The following TRIM37 variants were observed in gnomAD, a reference collection of about 807,000 sequenced individuals.
TRIM37 encodes tripartite motif containing 37, also known as E3 ubiquitin-protein ligase TRIM37.
TRIM37 carries 80 observed loss-of-function variants against 129.8 expected under a neutral mutation model. The observed-to-expected ratio is 0.62, with a 90% CI of 0.51 to 0.74. TRIM37 has a LOEUF of 0.74. Among genes scored for constraint, TRIM37 ranks in the 30% least tolerant of loss-of-function variants. The pLI is 0.00. For synonymous variants in TRIM37, 389 were observed against 387.1 expected (o/e 1.00, Z -0.06); for missense variants, 1,054 against 1,176.5 (o/e 0.90, Z 1.52).
Position 59,088,495 on chromosome 17 carries a change from A to G in TRIM37, c.165-88T>C, listed in dbSNP as rs2043977851. ...TACGTTTCTCAAAATAGAGAGCACA[A>G]TAATACTCATACCATAACACTATTT... On this transcript the variant is annotated intron_variant, in intron 3 of 23. Coordinates refer to ENST00000262294, the MANE Select transcript of TRIM37 (RefSeq NM_015294.6). 6.0e-6 allele frequency: 5 copies of G among 838,926 alleles called. 1 individual carries two copies. The highest frequency in any genetic ancestry group is 4.2e-5 in the South Asian group (3 of 70,666). 52.0% of individuals were successfully genotyped at this position (838,926 alleles called of 1,614,324 possible). A position where few individuals can be genotyped will look rare whatever the true frequency, so the allele number is the denominator to read the frequency against.
At chr17:58,990,505 A>C (rs1478525284) in intron 24 of TRIM37, among the ~76,000 whole-genome samples, 1 of 150,718 alleles carries the variant, frequency 6.6e-6, no homozygotes, top group African/African-American at 2.4e-5. Context: ...GAAAAAAAAA[A>C]ATCAAGGCTG....
rs1308506570 is a variant in TRIM37 at position 58,999,594 on chromosome 17, ATC to A, written c.2813-137_2813-136del. 1.3e-5 allele frequency: 10 copies of A among 749,174 alleles called. No homozygotes were observed. In the Admixed American group the frequency reaches 1.8e-4, roughly 13 times the overall value. The allele number at this position is 749,174 out of a possible 1,614,324, so 46.4% of individuals were successfully genotyped here. A position where few individuals can be genotyped will look rare whatever the true frequency, so the allele number is the denominator to read the frequency against. On this transcript the variant is annotated intron_variant, in intron 23 of 23. Coordinates refer to ENST00000262294, the MANE Select transcript of TRIM37 (RefSeq NM_015294.6). ...TAAAGATGTGCTGGGTTGTGAACAAATCTCTGTCTTCAGAGAATTTGTGATCT... is the reference window on the plus strand; with the variant it reads ...TAAAGATGTGCTGGGTTGTGAACAAATCTGTCTTCAGAGAATTTGTGATCT...
At position 59,079,779 on chromosome 17, in the gene TRIM37, C is replaced by T. The variant is rs1179878035; in HGVS notation, c.591G>A (p.Leu197=). 3 of 1,613,956 alleles carry T rather than the reference C, an allele frequency of 1.9e-6. No individual in the cohort carries two copies. The highest frequency in any genetic ancestry group is 1.3e-5 in the African/African-American group (1 of 74,928). The part of the protein sequence containing the change: ...EMMIARLDTQ[L]KNKLITLMGQ... ...CCATCAGTGTTATAAGCTTATTCTT[C>T]AGCTGTGTGTCTAACCGTGCAATCA... The change falls in exon 7 of 24, where the codon CTG becomes CTA. Residue 197 remains leucine (L), a synonymous_variant. Transcript: ENST00000262294.
At chr17:59,080,752 T>C (rs2043188122) in intron 6 of TRIM37, among the ~76,000 whole-genome samples, 1 of 151,976 alleles carries the variant, frequency 6.6e-6, no homozygotes, top group Non-Finnish European at 1.5e-5. Flanking sequence ...GATCGCGCCA[T>C]TACACTCCAG....
At chr17:59,071,994 T>C (rs1367543608) in intron 8 of TRIM37, among the ~76,000 whole-genome samples, 3 of 152,236 alleles carry the variant, frequency 2.0e-5, no homozygotes, top group Non-Finnish European at 4.4e-5. Context: ...CCATAATTTA[T>C]ATACTGCAGG....
chr17:59,062,803 T>TTA (rs2041608203), intron 10 of TRIM37, among the ~76,000 whole-genome samples, 155 bp from the exon 11 acceptor site: 1 of 152,166 alleles, frequency 6.6e-6, no homozygotes, highest in Admixed American at 6.5e-5. Context: ...CTGTAAAAGT[T>TTA]TAGATATGCT....
chr17:59,030,253 C>CT, intron 18 of TRIM37, among the ~76,000 whole-genome samples: 1 of 152,286 alleles, frequency 6.6e-6, no homozygotes, highest in Non-Finnish European at 1.5e-5. Context: ...TTACAGGCAC[C>CT]TGCCACAATG....
At chr17:59,088,043 T>C in intron 4 of TRIM37, 2 of 597,438 alleles carry the variant, frequency 3.3e-6, no homozygotes, top group South Asian at 4.1e-5. Context: ...TCTAGCAAAG[T>C]ACTTTCTGTG....
chr17:59,008,947 T>A (rs1159821367), intron 22 of TRIM37, among the ~76,000 whole-genome samples: 1 of 152,206 alleles, frequency 6.6e-6, no homozygotes, highest in African/African-American at 2.4e-5. Context: ...TAACTCTTCA[T>A]GATCTGGCCT....
rs528016154 is a variant in TRIM37 at position 59,076,135 on chromosome 17, T to C, written c.617-421A>G. On this transcript the variant is annotated intron_variant, in intron 7 of 23. Transcript: ENST00000262294. The stretch of plus-strand genomic sequence containing the variant: ...GAGAATACAAAGTGGGCCAGATTTT[T>C]AGGTTAAATGTCAGCAAAAGGTCTG... Among the ~76,000 whole-genome samples the C allele has an allele frequency of 2.6e-5, 4 of 152,302 alleles. No homozygotes were observed. In the East Asian group the frequency reaches 7.7e-4, roughly 29 times the overall value.
chr17:59,007,756 A>G (rs1181712893), intron 22 of TRIM37, among the ~76,000 whole-genome samples: 4 of 152,328 alleles, frequency 2.6e-5, no homozygotes, highest in African/African-American at 7.2e-5. Flanking sequence ...ATTTATGTTC[A>G]TATCTAAGAA....
At chr17:58,972,998 G>A in the TRIM37 span, 1 of 982,614 alleles carries the variant, frequency 1.0e-6, no homozygotes, top group Non-Finnish European at 1.6e-6. Flanking sequence ...CTCTGATACA[G>A]GGAACCTGAG....
At chr17:59,006,667 T>C (rs899785026) in intron 22 of TRIM37, among the ~76,000 whole-genome samples, 2 of 152,100 alleles carry the variant, frequency 1.3e-5, no homozygotes, top group African/African-American at 4.8e-5. Context: ...GGCAGGCAGA[T>C]TGCCCGAGGT....
At chr17:59,003,625 A>G (rs1211935663) in intron 22 of TRIM37, among the ~76,000 whole-genome samples, 3 of 151,332 alleles carry the variant, frequency 2.0e-5, no homozygotes, top group African/African-American at 4.9e-5. Context: ...GGCAGATTAA[A>G]ACAAGACCCA....
intron 4 of TRIM37, chr17:59,087,957 T>A (rs960333892): frequency 2.1e-6 from 1 of 471,176 alleles, no homozygotes; most frequent in Admixed American, 3.8e-5. Flanking sequence ...TTAAATGACT[T>A]AACACTGTAT....
At chr17:59,001,353 G>A (rs1244209016) in intron 23 of TRIM37, among the ~76,000 whole-genome samples, 3 of 151,354 alleles carry the variant, frequency 2.0e-5, no homozygotes, top group African/African-American at 7.3e-5. Flanking sequence ...CCAGTAAGTA[G>A]CACTCATTAG....
chr17:59,047,132 G>A (rs971534418), intron 16 of TRIM37, among the ~76,000 whole-genome samples: 7 of 149,452 alleles, frequency 4.7e-5, no homozygotes, highest in African/African-American at 1.7e-4. Flanking sequence ...CAGCCTGGGC[G>A]ACAGAGCGAG....
intron 17 of TRIM37, among the ~76,000 whole-genome samples, chr17:59,034,119 A>G (rs2038196282): frequency 6.6e-6 from 1 of 151,868 alleles, no homozygotes; most frequent in East Asian, 2.0e-4. Context: ...AAAAAAAAAA[A>G]GGATACGGAG....
At chr17:59,010,389 GA>G in intron 22 of TRIM37, among the ~76,000 whole-genome samples, 1 of 152,184 alleles carries the variant, frequency 6.6e-6, no homozygotes, top group Non-Finnish European at 1.5e-5. Flanking sequence ...CAAAGGTGGA[GA>G]AAGTCTGAAC....
Sources: allele counts gnomAD v4.1 joint callset (sites outside exome capture counted in the v4.1 genomes callset), GRCh38; gene constraint gnomAD v4.1.1; transcripts MANE v1.5; gene names NCBI Gene and HGNC (gene_info 2026-07-23, HGNC 2026-07-21).